The following EIF4G1 variants were observed in gnomAD, a reference collection of about 807,000 sequenced individuals.
EIF4G1 encodes eukaryotic translation initiation factor 4 gamma 1.
EIF4G1 carries 4 observed loss-of-function variants against 187.8 expected under a neutral mutation model. That is an observed-to-expected ratio of 0.02 (90% CI 0.01 to 0.05). The LOEUF (loss-of-function observed/expected upper bound fraction) is 0.05. EIF4G1 is among the 10% of genes least tolerant of loss of function. The pLI, the probability that EIF4G1 is intolerant of heterozygous loss-of-function variation, is 1.00. For synonymous variants in EIF4G1, 844 were observed against 781.4 expected (o/e 1.08, Z -1.34); for missense variants, 1,647 against 2,081.1 (o/e 0.79, Z 4.06).
chr3:184,328,440 T>C (rs1725388482), intron 26 of EIF4G1, 191 bp from the exon 27 acceptor site: 1 of 813,610 alleles, frequency 1.2e-6, no homozygotes, highest in African/African-American at 1.7e-5. Flanking sequence ...CTGGTCAGCA[T>C]AACTTTAGGG....
Position 184,335,225 on chromosome 3 carries a change from A to C in EIF4G1, c.*317A>C. The C allele has an allele frequency of 2.9e-6, 1 of 345,132 alleles. No homozygotes were observed. Among genetic ancestry groups the C allele is most frequent in the Non-Finnish European group, 5.5e-6 (1 of 182,662 alleles). 21.4% of individuals were successfully genotyped at this position (345,132 alleles called of 1,614,324 possible). ...GGGTCCTTTTTTTTATTTTCTGAAA[A>C]TCACTCTCGGGACTGCCGTCCTCGC... On this transcript the variant is annotated 3_prime_UTR_variant, in exon 33 of 33. Transcript: ENST00000346169.
At chr3:184,319,661 C>G (rs997562932) in intron 6 of EIF4G1, 28 bp from the exon 7 acceptor site, 3 of 1,406,466 alleles carry the variant, frequency 2.1e-6, no homozygotes, top group South Asian at 1.2e-5. Context: ...ACGCTACCAC[C>G]ATTCTTCTCC....
chr3:184,316,290 A>G (rs999929800), intron 4 of EIF4G1, 72 bp downstream of exon 4: 25 of 1,575,336 alleles, frequency 1.6e-5, no homozygotes, highest in Non-Finnish European at 2.2e-5. Context: ...GTTTAGGTCT[A>G]GGATGGAAAC....
chr3:184,332,151 C>T, intron 32 of EIF4G1, 65 bp downstream of exon 32: 1 of 1,609,902 alleles, frequency 6.2e-7, no homozygotes, highest in Non-Finnish European at 8.5e-7. Context: ...GGCATGAGAC[C>T]CTTCATGGAA....
chr3:184,323,232 C>T lies in EIF4G1; in HGVS notation c.2079C>T (p.Pro693=). 2 of 1,614,136 alleles carry T rather than the reference C, an allele frequency of 1.2e-6. No homozygotes were observed. The highest frequency in any genetic ancestry group is 1.3e-5 in the African/African-American group (1 of 75,050). ...PPRGGPGGEL[P]RGPAGLGPRR... is the part of the protein sequence containing the mutation. ...GGGGTGGGCCAGGTGGGGAGCTGCC[C>T]CGTGGGCCGGTGAGTGGGGCTGGGT... The change falls in exon 14 of 33, where the codon CCC becomes CCT. Residue 693 remains proline, a synonymous_variant. Transcript: ENST00000346169. This position sits in a 1 kb window ranked among gnomAD's most constrained non-coding sequence, Gnocchi z 6.9.
rs1368471702 is a variant in EIF4G1 at position 184,328,618 on chromosome 3, A to G, written c.3954-13A>G. On this transcript the variant is annotated splice_polypyrimidine_tract_variant and intron_variant, in intron 26 of 32. Coordinates refer to ENST00000346169, the MANE Select transcript of EIF4G1 (RefSeq NM_198241.3). ...CTGGCCTAGAATGTCTTGACTTTGA[A>G]TTCCCTTGGCAGGTTGTATGAAATC... The G allele has an allele frequency of 2.5e-6, 4 of 1,614,018 alleles. No individual in the cohort carries two copies. Among genetic ancestry groups the G allele is most frequent in the African/African-American group, 1.3e-5 (1 of 74,906 alleles).
Position 184,322,325 on chromosome 3 carries a change from C to T in EIF4G1, c.1520-37C>T, listed in dbSNP as rs368525437. 16 of 1,594,606 alleles carry T rather than the reference C, an allele frequency of 1.0e-5. No homozygotes were observed. In the African/African-American group the frequency reaches 2.2e-4, roughly 21 times the overall value. ...TTAAGGGTACTCCTTAAATTATTGG[C>T]AAAGATCCATGCTTTTATTTATTTA... On this transcript the variant is annotated intron_variant, in intron 10 of 32. Transcript: ENST00000346169.
rs770882414 is a variant in EIF4G1, at chr3:184,322,722, A to G, written c.1787A>G (p.Tyr596Cys). Residue 596 changes from tyrosine to cysteine, a missense_variant, in exon 12 of 33, where the codon TAT becomes TGT. Physicochemically the swap from Tyr to Cys is radical, Grantham distance 194 (BLOSUM62 -2). Coordinates refer to ENST00000346169, the MANE Select transcript of EIF4G1 (RefSeq NM_198241.3). ...CAGCCCGGGGAACAGAAGTATGAAT[A>G]TAAGTCAGGTATGCTGAAGAAAGGG... ...NIQPGEQKYE[Y>C]KSDQWKPLNL... is the part of the protein sequence containing the mutation. 1.9e-6 allele frequency: 3 copies of G among 1,614,244 alleles called. No homozygotes were observed. Among genetic ancestry groups the G allele is most frequent in the South Asian group, 1.1e-5 (1 of 91,090 alleles).
chr3:184,326,088 G>A (rs1724837802), intron 21 of EIF4G1, 137 bp downstream of exon 21: 2 of 873,890 alleles, frequency 2.3e-6, no homozygotes, highest in South Asian at 2.8e-5. Context: ...AGGACTGCCA[G>A]CTGTAGAGGG....
rs906202834 is a variant in EIF4G1, at chr3:184,326,690, C to G, written c.3325+61C>G. The G allele has an allele frequency of 2.0e-5, 31 of 1,585,890 alleles. No individual in the cohort carries two copies. In the Admixed American group the frequency reaches 5.2e-4, roughly 27 times the overall value. ...GTCAGAGCTCCCTTGAGGACAGAGCCTTTTCTGTTAGGGAGGCCTTCAGTA... is the reference window on the plus strand; with the variant it reads ...GTCAGAGCTCCCTTGAGGACAGAGCGTTTTCTGTTAGGGAGGCCTTCAGTA... On this transcript the variant is annotated intron_variant, in intron 22 of 32. Transcript: ENST00000346169.
At chr3:184,315,660 G>A in intron 2 of EIF4G1, 103 bp from the exon 3 acceptor site, 1 of 860,324 alleles carries the variant, frequency 1.2e-6, no homozygotes, top group Non-Finnish European at 1.9e-6. Flanking sequence ...TGGCATCTCT[G>A]GGACTCCGTA....
rs1423032697 is a variant in EIF4G1 at position 184,315,814 on chromosome 3, G to A, written c.18G>A (p.Gln6=). ...CAAATGAAATGAACAAAGCTCCACA[G>A]TCCACAGGCCCCCCACCCGCCCCAT... MNKAP[Q]STGPPPAPSP... is the part of the protein sequence containing the mutation. Residue 6 remains glutamine (Q), a synonymous_variant, in exon 3 of 33, where the codon CAG becomes CAA. Coordinates refer to ENST00000346169, the MANE Select transcript of EIF4G1 (RefSeq NM_198241.3). The A allele has an allele frequency of 1.3e-6, 2 of 1,551,692 alleles. No individual in the cohort carries two copies. The highest frequency in any genetic ancestry group is 1.7e-6 in the Non-Finnish European group (2 of 1,147,012).
At chr3:184,324,109 A>G in intron 16 of EIF4G1, 92 bp from the exon 17 acceptor site, 3 of 1,606,216 alleles carry the variant, frequency 1.9e-6, no homozygotes, top group South Asian at 1.1e-5. Flanking sequence ...AGCTGGGGCC[A>G]GAGATCTTCC....
In EIF4G1 at chr3:184,327,465, G is replaced by A; in HGVS notation, c.3661+17G>A. The A allele has an allele frequency of 1.2e-6, 2 of 1,613,630 alleles. No individual in the cohort carries two copies. Among genetic ancestry groups the A allele is most frequent in the Non-Finnish European group, 1.7e-6 (2 of 1,179,810 alleles). ...GGGATGCCGGTGAGAGTCTGGGAGA[G>A]GAATGGAGGGAAAGGCATTGGCTGC... is the stretch of plus-strand genomic sequence containing the variant. On this transcript the variant is annotated intron_variant, in intron 24 of 32. Transcript: ENST00000346169.
intron 2 of EIF4G1, 57 bp downstream of exon 2, chr3:184,315,602 G>C (rs762644857): frequency 3.5e-5 from 27 of 771,658 alleles, no homozygotes; most frequent in Non-Finnish European, 6.3e-5. Context: ...ATGCGGGTTT[G>C]ACAGCATGTT....
Position 184,315,822 on chromosome 3 carries a change from G to A in EIF4G1, c.26G>A (p.Gly9Asp), listed in dbSNP as rs1173725623. The A allele has an allele frequency of 6.5e-7, 1 of 1,544,498 alleles. No homozygotes were observed. The highest frequency in any genetic ancestry group is 8.8e-7 in the Non-Finnish European group (1 of 1,140,804). MNKAPQST[G>D]PPPAPSPGLP... ...ATGAACAAAGCTCCACAGTCCACAG[G>A]CCCCCCACCCGCCCCATCCCCCGGA... Residue 9 changes from glycine (G) to aspartate (D), a missense_variant, in exon 3 of 33, where the codon GGC (glycine) becomes GAC (aspartate). By Grantham distance (94) the Gly-to-Asp change is moderately conservative. This residue lies in a region of EIF4G1 where 61 missense variants were observed against 49.5 expected (regional missense o/e 1.23). Transcript: ENST00000346169.
chr3:184,316,660 C>T (rs936531775), intron 4 of EIF4G1: 4 of 1,548,564 alleles, frequency 2.6e-6, no homozygotes, highest in African/African-American at 1.4e-5. Flanking sequence ...TTCCCTCCCC[C>T]CGCCATCACC....
In EIF4G1 at chr3:184,317,634, C is replaced by T. The variant is rs1723026326; in HGVS notation, c.325-83C>T. ...ATTGCCCAGAGTTGGCTTGTCTTGT[C>T]TTGACCTATGTTCTTTTTGGAGTCT... is the stretch of plus-strand genomic sequence containing the variant. On this transcript the variant is annotated intron_variant, in intron 5 of 32. Transcript: ENST00000346169. The T allele has an allele frequency of 1.4e-5, 22 of 1,533,318 alleles. No individual in the cohort carries two copies. In the South Asian group the frequency reaches 2.2e-4, roughly 15 times the overall value. 95.0% of individuals were successfully genotyped at this position (1,533,318 alleles called of 1,614,324 possible).
chr3:184,320,596 G>A (rs1268071016), intron 7 of EIF4G1, 34 bp from the exon 8 acceptor site: 2 of 1,613,804 alleles, frequency 1.2e-6, no homozygotes, highest in South Asian at 2.2e-5. Context: ...GGCTCTTCCT[G>A]CTTCCCACTC....
Sources: gnomAD v4.1 joint callset for allele counts on GRCh38, gnomAD v4.1.1 for gene constraint, gnomAD v4.1.1 regional missense constraint, Gnocchi (gnomAD v3.1) non-coding constraint, MANE v1.5 for transcripts, NCBI Gene and HGNC (gene_info 2026-07-23, HGNC 2026-07-21) for gene names.